CCDC192: variants seen among roughly 807,000 people sequenced by gnomAD.
CCDC192 encodes coiled-coil domain containing 192.
chr5:127,730,454 C>T (rs1347890018), intron 2 of CCDC192, among the ~76,000 whole-genome samples: 1 of 152,122 alleles, frequency 6.6e-6, no homozygotes, highest in East Asian at 1.9e-4. Flanking sequence ...CAAAAAGGAG[C>T]TGGTACCATT....
chr5:127,826,372 T>C (rs1749533613), intron 5 of CCDC192, among the ~76,000 whole-genome samples: 1 of 152,104 alleles, frequency 6.6e-6, no homozygotes, highest in Non-Finnish European at 1.5e-5. Flanking sequence ...GAAAGCAGTT[T>C]GGAGATTTCT....
chr5:127,736,703 T>A (rs1338729185), intron 2 of CCDC192, among the ~76,000 whole-genome samples: 1 of 151,676 alleles, frequency 6.6e-6, no homozygotes, highest in Non-Finnish European at 1.5e-5. Flanking sequence ...CTAGATTTTC[T>A]AGTTTATTTG....
intron 3 of CCDC192, among the ~76,000 whole-genome samples, chr5:127,780,225 G>A (rs1460116770): frequency 6.6e-6 from 1 of 151,992 alleles, no homozygotes; most frequent in Non-Finnish European, 1.5e-5. Context: ...ATGAGCATTT[G>A]GGTTGGTTCC....
chr5:127,898,366 C>G (rs1752951281), intron 6 of CCDC192, among the ~76,000 whole-genome samples: 1 of 152,150 alleles, frequency 6.6e-6, no homozygotes, highest in Non-Finnish European at 1.5e-5. Context: ...ACCTCAGCAT[C>G]CGAAAGTGCT....
At chr5:127,728,360 T>C (rs1485379723) in intron 2 of CCDC192, among the ~76,000 whole-genome samples, 1 of 152,106 alleles carries the variant, frequency 6.6e-6, no homozygotes, top group Non-Finnish European at 1.5e-5. Context: ...GTGAAAACCT[T>C]ACAAGCCAGA....
intron 3 of CCDC192, among the ~76,000 whole-genome samples, chr5:127,788,415 TC>T (rs1331258129): frequency 6.6e-6 from 1 of 152,158 alleles, no homozygotes; most frequent in Non-Finnish European, 1.5e-5. Flanking sequence ...TTTCTTTGAG[TC>T]TAAAGTGAGT....
At chr5:127,706,102 T>A (rs1750941860) in intron 1 of CCDC192, among the ~76,000 whole-genome samples, 1 of 152,200 alleles carries the variant, frequency 6.6e-6, no homozygotes, top group Non-Finnish European at 1.5e-5. Flanking sequence ...TTGTGAACAT[T>A]TGTAAATGGT....
chr5:127,906,204 A>T (rs1753189968), intron 6 of CCDC192, among the ~76,000 whole-genome samples: 1 of 152,184 alleles, frequency 6.6e-6, no homozygotes, highest in South Asian at 2.1e-4. Context: ...GCCTGCAGGT[A>T]ACCACCATTC....
chr5:127,785,297 CT>C, intron 3 of CCDC192: 1 of 481,948 alleles, frequency 2.1e-6, no homozygotes. Flanking sequence ...TACAAGACTG[CT>C]TAAAGGGCCA....
intron 2 of CCDC192, among the ~76,000 whole-genome samples, chr5:127,736,675 G>T (rs1266503761): frequency 2.6e-5 from 4 of 151,696 alleles, no homozygotes; most frequent in Non-Finnish European, 5.9e-5. Context: ...TATGTGTCCA[G>T]GAATTTATCC....
At chr5:127,918,702 G>A (rs915404163) in intron 6 of CCDC192, among the ~76,000 whole-genome samples, 2 of 152,146 alleles carry the variant, frequency 1.3e-5, no homozygotes, top group Admixed American at 6.5e-5. Flanking sequence ...GCATTGATGA[G>A]GAGGGGGCAG....
chr5:127,842,562 T>C (rs1331403185), intron 5 of CCDC192, among the ~76,000 whole-genome samples: 1 of 152,204 alleles, frequency 6.6e-6, no homozygotes, highest in African/African-American at 2.4e-5. Context: ...GGACTTTTCA[T>C]TTTGCACTGG....
chr5:127,753,410 T>C (rs1754358665), intron 2 of CCDC192, among the ~76,000 whole-genome samples: 5 of 152,106 alleles, frequency 3.3e-5, no homozygotes, highest in Admixed American at 3.3e-4. Context: ...TTTAGAAACA[T>C]TTTGAGTCCA....
chr5:127,915,266 A>T (rs545430871), intron 6 of CCDC192, among the ~76,000 whole-genome samples: 1 of 152,234 alleles, frequency 6.6e-6, no homozygotes, highest in African/African-American at 2.4e-5. Flanking sequence ...AAAAAGTGCT[A>T]ACAATCATCT....
intron 6 of CCDC192, among the ~76,000 whole-genome samples, chr5:127,907,214 C>G (rs1753222373): frequency 1.3e-5 from 2 of 151,832 alleles, no homozygotes. Context: ...CACAAGTTAG[C>G]CATAATTTTA....
intron 2 of CCDC192, among the ~76,000 whole-genome samples, chr5:127,721,845 G>C (rs1752045654): frequency 6.6e-6 from 1 of 152,172 alleles, no homozygotes; most frequent in South Asian, 2.1e-4. Context: ...AGGAGGAAGA[G>C]AGAAAGCGGG....
chr5:127,763,708 C>T lies in CCDC192; in HGVS notation c.222+9333C>T. Among the ~76,000 whole-genome samples, 2 of 152,180 alleles carry T rather than the reference C, an allele frequency of 1.3e-5. 1 individual carries two copies. ...TACCACTATTACACCACTTTCAGTT[C>T]TTTAAAGGTATCATATCCTCTCTCA... On this transcript the variant is annotated intron_variant, in intron 3 of 6. Coordinates refer to ENST00000514853, the MANE Select transcript of CCDC192 (RefSeq NM_001317938.2).
At chr5:127,793,674 A>G (rs1476176958) in intron 3 of CCDC192, among the ~76,000 whole-genome samples, 1 of 152,222 alleles carries the variant, frequency 6.6e-6, no homozygotes, top group Non-Finnish European at 1.5e-5. Flanking sequence ...TATAAAGAAA[A>G]TTGCTGATAG....
At chr5:127,753,688 G>GAAAAAAAAAAAAAAAAAGAAAA (rs1754387691) in intron 2 of CCDC192, among the ~76,000 whole-genome samples, 1 of 124,376 alleles carries the variant, frequency 8.0e-6, no homozygotes, top group Non-Finnish European at 1.7e-5. Flanking sequence ...ACTCTGCCTG[G>GAAAAAAAAAAAAAAAAAGAAAA]AAAAAAAAAA....
Sources: gnomAD v4.1 joint callset for allele counts (sites outside exome capture counted in the v4.1 genomes callset) on GRCh38, gnomAD v4.1.1 for gene constraint, MANE v1.5 for transcripts, NCBI Gene and HGNC (gene_info 2026-07-23, HGNC 2026-07-21) for gene names.